PREX2: variants seen among roughly 807,000 people sequenced by gnomAD.
The protein encoded by PREX2 is phosphatidylinositol 3,4,5-trisphosphate-dependent Rac exchanger 2 protein.
A neutral mutation model predicts 203.2 loss-of-function variants in PREX2; 107 were observed. The ratio of observed to expected loss-of-function variants is 0.53; its 90% CI spans 0.45 to 0.62. The LOEUF is 0.62. PREX2 is among the 20% of genes least tolerant of loss of function. PREX2 has a pLI of 0.00. For synonymous variants in PREX2, 672 were observed against 663.6 expected, an observed-to-expected ratio of 1.01 and a Z score of -0.19; for missense variants, 1,777 against 1,955.9, an observed-to-expected ratio of 0.91 and a Z score of 1.72.
At chr8:68,008,338 A>T (rs1378186466) in intron 1 of PREX2, among the ~76,000 whole-genome samples, 2 of 152,202 alleles carry the variant, frequency 1.3e-5, no homozygotes, top group Non-Finnish European at 2.9e-5. Context: ...CCCTTTAGGA[A>T]TAGAGTATGA....
intron 32 of PREX2, 67 bp from the exon 33 acceptor site, chr8:68,138,348 T>C: frequency 1.2e-6 from 1 of 804,992 alleles, no homozygotes; most frequent in Non-Finnish European, 1.9e-6. Flanking sequence ...TGAATTTACA[T>C]TATGTCATGT....
At chr8:68,195,994 C>T (rs931062419) in intron 37 of PREX2, among the ~76,000 whole-genome samples, 1 of 152,060 alleles carries the variant, frequency 6.6e-6, no homozygotes, top group Non-Finnish European at 1.5e-5. Flanking sequence ...GAGCTACATA[C>T]AACAGTGAAT....
chr8:68,083,971 A>G (rs769051827), intron 18 of PREX2, among the ~76,000 whole-genome samples: 2 of 152,222 alleles, frequency 1.3e-5, no homozygotes, highest in Non-Finnish European at 2.9e-5. Context: ...TATCACCCAT[A>G]AATAGCCATT....
chr8:68,008,289 C>T (rs1807159348), intron 1 of PREX2, among the ~76,000 whole-genome samples: 1 of 152,206 alleles, frequency 6.6e-6, no homozygotes, highest in South Asian at 2.1e-4. Flanking sequence ...TTGTCCGTAT[C>T]AGCCCAGCAC....
chr8:68,098,689 A>G (rs1472804145), intron 22 of PREX2, among the ~76,000 whole-genome samples: 1 of 149,732 alleles, frequency 6.7e-6, no homozygotes, highest in Non-Finnish European at 1.5e-5. Flanking sequence ...ATGAAGAAAA[A>G]ACAGTCAAGA....
intron 39 of PREX2, 75 bp from the exon 40 acceptor site, chr8:68,231,258 T>C (rs1813164878): frequency 4.8e-6 from 5 of 1,036,254 alleles, no homozygotes; most frequent in Non-Finnish European, 6.7e-6. Context: ...TCAATGTATT[T>C]GTTCTACCAA....
intron 1 of PREX2, among the ~76,000 whole-genome samples, chr8:67,984,607 A>AAATGC (rs1314101635): frequency 1.2e-4 from 18 of 152,328 alleles, no homozygotes; most frequent in African/African-American, 3.8e-4. Context: ...TCCTAGGTAG[A>AAATGC]AATGCAAGCC....
chr8:68,020,286 A>C (rs1807532078), intron 3 of PREX2, among the ~76,000 whole-genome samples: 1 of 151,660 alleles, frequency 6.6e-6, no homozygotes, highest in South Asian at 2.1e-4. Context: ...AAATAAAAAG[A>C]CAACTGTGTA....
chr8:68,225,794 A>C lies in PREX2; in HGVS notation c.4775+1168A>C, dbSNP rs1813046441. ...TAGAATCTAAGGCTTTATATTGCTA[A>C]AGGATTATTTTTACATACGCATTCT... On this transcript the variant is annotated intron_variant, in intron 39 of 39. Transcript: ENST00000288368. Among the ~76,000 whole-genome samples the C allele has an allele frequency of 2.0e-5, 3 of 152,180 alleles. No individual in the cohort carries two copies. The South Asian group carries it at 6.2e-4, about 32-fold the overall frequency.
Position 68,231,456 on chromosome 8 carries a change from T to C in PREX2, c.*78T>C. On this transcript the variant is annotated 3_prime_UTR_variant, in exon 40 of 40. Transcript: ENST00000288368. ...CAAACTACATGCTGGCTAAACATTC[T>C]CCACTGAAGATACATCAATGCTTTT... The C allele has an allele frequency of 9.9e-7, 1 of 1,014,580 alleles. No homozygotes were observed. Among genetic ancestry groups the C allele is most frequent in the Non-Finnish European group, 1.4e-6 (1 of 708,942 alleles). 62.8% of individuals were successfully genotyped at this position (1,014,580 alleles called of 1,614,324 possible). A position where few individuals can be genotyped will look rare whatever the true frequency, so the allele number is the denominator to read the frequency against.
chr8:68,107,653 C>T (rs943025923), intron 23 of PREX2, among the ~76,000 whole-genome samples: 11 of 152,128 alleles, frequency 7.2e-5, no homozygotes, highest in Admixed American at 6.6e-4. Flanking sequence ...TTTGGATTAG[C>T]TTTATGCTTG....
At chr8:68,019,419 G>A (rs1807497819) in intron 2 of PREX2, 130 bp from the exon 3 acceptor site, 2 of 644,742 alleles carry the variant, frequency 3.1e-6, no homozygotes, top group African/African-American at 1.9e-5. Context: ...ACAAAATTGA[G>A]GCTCTGTCGG....
At chr8:68,171,480 G>GAA (rs200887937) in intron 35 of PREX2, among the ~76,000 whole-genome samples, 7 of 147,366 alleles carry the variant, frequency 4.8e-5, no homozygotes, top group South Asian at 2.1e-4. Context: ...ACTTCTGCAG[G>GAA]AAAAAAAAAA....
intron 30 of PREX2, among the ~76,000 whole-genome samples, chr8:68,125,162 T>G (rs188484875): frequency 2.0e-5 from 3 of 152,142 alleles, no homozygotes; most frequent in African/African-American, 7.2e-5. Context: ...TTGCTTGTTA[T>G]GTGGAGGCAC....
intron 35 of PREX2, among the ~76,000 whole-genome samples, chr8:68,174,463 A>G (rs1273048206): frequency 6.6e-6 from 1 of 152,178 alleles, no homozygotes; most frequent in Non-Finnish European, 1.5e-5. Flanking sequence ...AAAAGAATCA[A>G]CACATTTTGG....
Position 68,083,217 on chromosome 8 carries a change from AT to A in PREX2, c.1879-17del, listed in dbSNP as rs756744136. 2.6e-6 allele frequency: 4 copies of A among 1,537,268 alleles called. No homozygotes were observed. The African/African-American group carries it at 4.5e-5, about 17-fold the overall frequency. On this transcript the variant is annotated intron_variant, in intron 17 of 39. Coordinates refer to ENST00000288368, the MANE Select transcript of PREX2 (RefSeq NM_024870.4). ...TTCTTATTAAAATATACTTTGACTTATTTTTTGTAATTTCTCTCTTAGATGG... is the reference window on the plus strand; with the variant it reads ...TTCTTATTAAAATATACTTTGACTTATTTTTGTAATTTCTCTCTTAGATGG...
At chr8:67,990,786 C>T (rs1806577483) in intron 1 of PREX2, among the ~76,000 whole-genome samples, 1 of 151,972 alleles carries the variant, frequency 6.6e-6, no homozygotes, top group Admixed American at 6.6e-5. Context: ...GTGCTGATTA[C>T]AGGCGTGAGC....
At chr8:67,994,162 A>G (rs978923683) in intron 1 of PREX2, among the ~76,000 whole-genome samples, 3 of 152,190 alleles carry the variant, frequency 2.0e-5, no homozygotes, top group Non-Finnish European at 4.4e-5. Context: ...GCACACGTCT[A>G]ATGGAAGCCA....
At position 68,060,904 on chromosome 8, in the gene PREX2, T is replaced by C. The variant is rs918766608; in HGVS notation, c.1339+125T>C. ...ATGCTTGTTGTTTTTAACAATATTT[T>C]CAGTACCTAATAAGTGTAGAACAGT... On this transcript the variant is annotated intron_variant, in intron 11 of 39. Coordinates refer to ENST00000288368, the MANE Select transcript of PREX2 (RefSeq NM_024870.4). 5 of 655,734 alleles carry C rather than the reference T, an allele frequency of 7.6e-6. No individual in the cohort carries two copies. The African/African-American group carries it at 9.2e-5, about 12-fold the overall frequency. 40.6% of individuals were successfully genotyped at this position (655,734 alleles called of 1,614,324 possible).
Sources: gnomAD v4.1 joint callset for allele counts (sites outside exome capture counted in the v4.1 genomes callset) on GRCh38, gnomAD v4.1.1 for gene constraint, MANE v1.5 for transcripts, NCBI Gene and HGNC (gene_info 2026-07-23, HGNC 2026-07-21) for gene names.